The following TRIM71 variants were observed in gnomAD, a reference collection of about 807,000 sequenced individuals.
TRIM71 encodes the protein E3 ubiquitin-protein ligase TRIM71.
TRIM71 carries 9 observed loss-of-function variants against 61.2 expected under a neutral mutation model. The observed-to-expected ratio is 0.15, with a 90% confidence interval of 0.09 to 0.26. The LOEUF is 0.26. Among genes scored for constraint, TRIM71 ranks in the 10% least tolerant of loss-of-function variants. TRIM71 has a pLI of 1.00. For missense variants in TRIM71, 998 were observed against 1,238.7 expected (o/e 0.81, Z 2.92); for synonymous variants, 645 against 553.2 (o/e 1.17, Z -2.33).
chr3:32,854,249 T>G (rs1258384740), intron 1 of TRIM71, among the ~76,000 whole-genome samples: 1 of 152,160 alleles, frequency 6.6e-6, no homozygotes, highest in African/African-American at 2.4e-5. Flanking sequence ...TCATCTCGGC[T>G]TCCCAAAGTG....
intron 2 of TRIM71, among the ~76,000 whole-genome samples, chr3:32,875,994 T>G (rs747813377): frequency 2.2e-4 from 33 of 152,214 alleles, no homozygotes; most frequent in South Asian, 4.1e-4. Flanking sequence ...GTTCAGATCA[T>G]AAAATTGGAA....
At chr3:32,888,352 A>G (rs1216919593) in intron 3 of TRIM71, among the ~76,000 whole-genome samples, 1 of 148,594 alleles carries the variant, frequency 6.7e-6, no homozygotes, top group African/African-American at 2.5e-5. Flanking sequence ...TAATGCCAAC[A>G]CTTTGGGAGG....
At chr3:32,871,159 A>G (rs1258510545) in intron 1 of TRIM71, among the ~76,000 whole-genome samples, 5 of 152,234 alleles carry the variant, frequency 3.3e-5, no homozygotes, top group Non-Finnish European at 7.4e-5. Flanking sequence ...GGAGGTACCC[A>G]GTCAGGCCCC....
intron 1 of TRIM71, among the ~76,000 whole-genome samples, chr3:32,858,162 G>T (rs1308123038): frequency 6.6e-6 from 1 of 152,100 alleles, no homozygotes; most frequent in Non-Finnish European, 1.5e-5. Context: ...GGACCCTTGT[G>T]TTTCAAACCC....
intron 1 of TRIM71, among the ~76,000 whole-genome samples, chr3:32,835,962 G>A (rs916073813): frequency 4.6e-5 from 7 of 152,106 alleles, no homozygotes; most frequent in Non-Finnish European, 1.0e-4. Context: ...TGACTTGCTG[G>A]TCATTACTTG....
At chr3:32,867,088 A>G (rs970967384) in intron 1 of TRIM71, among the ~76,000 whole-genome samples, 6 of 152,102 alleles carry the variant, frequency 3.9e-5, no homozygotes, top group African/African-American at 1.2e-4. Context: ...TGTCTTGTCC[A>G]TGGAGCCCAA....
Position 32,818,897 on chromosome 3 carries a change from G to T in TRIM71, c.817G>T (p.Glu273Ter). 6.2e-7 allele frequency: 1 copy of T among 1,612,594 alleles called. No individual in the cohort carries two copies. Among genetic ancestry groups the T allele is most frequent in the South Asian group, 1.1e-5 (1 of 91,046 alleles). The change falls in exon 1 of 4, where the codon GAG (glutamate) becomes TAG (stop). Residue 273 changes from glutamate to a stop codon, truncating the protein, a stop_gained. Coordinates refer to ENST00000383763, the MANE Select transcript of TRIM71 (RefSeq NM_001039111.3). LOFTEE classifies it high-confidence loss of function. ...CTTCTCCATCCTCTCAGTGTTTCCC[G>T]AGCGCCTCGGCTTCTGCCAGCACCA... ...PPFSILSVFP[E>*]RLGFCQHHDD...
chr3:32,864,845 GGT>G (rs10522411), intron 1 of TRIM71, among the ~76,000 whole-genome samples: 6,148 of 146,190 alleles, frequency 0.042, 241 homozygotes, highest in East Asian at 0.17. Context: ...AAAATTAAGT[GGT>G]GTGTGTGTGT....
intron 1 of TRIM71, among the ~76,000 whole-genome samples, chr3:32,844,314 G>T (rs976445338): frequency 6.6e-6 from 1 of 152,130 alleles, no homozygotes; most frequent in Non-Finnish European, 1.5e-5. Context: ...GAGGAAGAGG[G>T]GATTTTAGGT....
intron 1 of TRIM71, among the ~76,000 whole-genome samples, chr3:32,825,973 A>G (rs1376773771): frequency 6.6e-6 from 1 of 152,176 alleles, no homozygotes; most frequent in Non-Finnish European, 1.5e-5. Context: ...GTCAACCTAA[A>G]AAGTGGGAGG....
intron 1 of TRIM71, among the ~76,000 whole-genome samples, chr3:32,828,657 G>A (rs1205298743): frequency 6.6e-6 from 1 of 151,572 alleles, no homozygotes; most frequent in African/African-American, 2.4e-5. Flanking sequence ...CACGATGCCC[G>A]GCTAATTAAA....
intron 1 of TRIM71, among the ~76,000 whole-genome samples, chr3:32,857,173 T>C (rs2125683761): frequency 6.6e-6 from 1 of 152,326 alleles, no homozygotes; most frequent in African/African-American, 2.4e-5. Flanking sequence ...CCCTGTTCCC[T>C]CTGTTTTACT....
Position 32,829,922 on chromosome 3 carries a change from A to ATT in TRIM71, c.852+11012_852+11013dup, listed in dbSNP as rs11327826. Reference sequence around the variant, plus strand: ...GCTTAATACTAAATTTACTGCCTGAATTTTTTTTTTTTTTTTTTTTTTTCG... The same window carrying ATT: ...GCTTAATACTAAATTTACTGCCTGAATTTTTTTTTTTTTTTTTTTTTTTTTCG... On this transcript the variant is annotated intron_variant, in intron 1 of 3. Coordinates refer to ENST00000383763, the MANE Select transcript of TRIM71 (RefSeq NM_001039111.3). 1.5e-3 allele frequency among the ~76,000 whole-genome samples: 160 copies of ATT among 109,452 alleles called. 4 individuals carry two copies. The highest frequency in any genetic ancestry group is 3.2e-3 in the African/African-American group (84 of 26,586). 71.8% of individuals were successfully genotyped at this position (109,452 alleles called of 152,430 possible).
At chr3:32,867,258 TA>T (rs1185644850) in intron 1 of TRIM71, among the ~76,000 whole-genome samples, 3 of 152,178 alleles carry the variant, frequency 2.0e-5, no homozygotes, top group Non-Finnish European at 4.4e-5. Context: ...CAGACAGTAT[TA>T]CATGTGTACG....
Position 32,818,102 on chromosome 3 carries a change from G to C in TRIM71, c.22G>C (p.Asp8His). The change falls in exon 1 of 4, where the codon GAT (aspartate) becomes CAT (histidine). Residue 8 changes from aspartate to histidine, a missense_variant. Coordinates refer to ENST00000383763, the MANE Select transcript of TRIM71 (RefSeq NM_001039111.3). ...GCAAATGGCTTCGTTCCCCGAGACC[G>C]ATTTCCAGATCTGCTTGCTGTGCAA... Reference protein sequence around the residue: MASFPETDFQICLLCKEM... With the variant: MASFPETHFQICLLCKEM... 6.2e-7 allele frequency: 1 copy of C among 1,610,478 alleles called. No homozygotes were observed. The highest frequency in any genetic ancestry group is 8.5e-7 in the Non-Finnish European group (1 of 1,178,122).
At chr3:32,831,809 A>T (rs143288859) in intron 1 of TRIM71, among the ~76,000 whole-genome samples, 21 of 152,270 alleles carry the variant, frequency 1.4e-4, no homozygotes, top group Non-Finnish European at 2.8e-4. Flanking sequence ...AGTTCTTGGG[A>T]TTACAGGCAT....
At position 32,818,766 on chromosome 3, in the gene TRIM71, G is replaced by A; in HGVS notation, c.686G>A (p.Arg229His). ...LCDNCVRAHQRVRLTKDHYIE... is the reference protein window; with the variant it reads ...LCDNCVRAHQHVRLTKDHYIE... ...GACAACTGCGTCCGAGCGCACCAGC[G>A]CGTGCGCCTCACCAAGGACCACTAC... Residue 229 changes from arginine to histidine, a missense_variant, in exon 1 of 4, where the codon CGC (arginine) becomes CAC (histidine). Physicochemically the swap from Arg to His is conservative, Grantham distance 29. Transcript: ENST00000383763. 1 of 1,606,800 alleles carries A rather than the reference G, an allele frequency of 6.2e-7. No homozygotes were observed. The highest frequency in any genetic ancestry group is 8.5e-7 in the Non-Finnish European group (1 of 1,178,430).
intron 1 of TRIM71, among the ~76,000 whole-genome samples, chr3:32,822,326 C>T (rs747414738): frequency 3.9e-5 from 6 of 152,074 alleles, no homozygotes; most frequent in Non-Finnish European, 8.8e-5. Context: ...AAAAGGGGTG[C>T]AGGTGTTGGT....
chr3:32,848,755 T>C (rs1217952963), intron 1 of TRIM71, among the ~76,000 whole-genome samples: 1 of 152,120 alleles, frequency 6.6e-6, no homozygotes, highest in Non-Finnish European at 1.5e-5. Context: ...GTGGCCAGGC[T>C]GTGGACCCAG....
Sources: gnomAD v4.1 joint callset for allele counts (sites outside exome capture counted in the v4.1 genomes callset) on GRCh38, gnomAD v4.1.1 for gene constraint, MANE v1.5 for transcripts, NCBI Gene and HGNC (gene_info 2026-07-23, HGNC 2026-07-21) for gene names.